GCNT2: variants seen among roughly 807,000 people sequenced by gnomAD.
GCNT2 encodes the protein glucosaminyl (N-acetyl) transferase 2 (I blood group), also known as N-acetyllactosaminide beta-1,6-N-acetylglucosaminyl-transferase.
GCNT2 carries 34 observed loss-of-function variants against 34.2 expected under a neutral mutation model. The ratio of observed to expected loss-of-function variants is 1.00; its 90% CI spans 0.76 to 1.32. GCNT2 has a LOEUF of 1.32. Ranked by LOEUF, GCNT2 falls within the 40% of genes most tolerant of loss-of-function variation. The pLI, the probability that GCNT2 is intolerant of heterozygous loss-of-function variation, is 0.00. For missense variants in GCNT2, 584 were observed against 489.4 expected (o/e 1.19, Z -1.82); for synonymous variants, 212 against 188.0 (o/e 1.13, Z -1.04).
intron 1 of GCNT2, among the ~76,000 whole-genome samples, chr6:10,523,146 G>A (rs967640064): frequency 5.9e-5 from 9 of 152,132 alleles, no homozygotes; most frequent in African/African-American, 1.9e-4. Flanking sequence ...TCAGCCAGGC[G>A]CGGTGTGGCT....
At chr6:10,568,583 G>A (rs1478276430) in intron 3 of GCNT2, among the ~76,000 whole-genome samples, 1 of 152,106 alleles carries the variant, frequency 6.6e-6, no homozygotes, top group Non-Finnish European at 1.5e-5. Flanking sequence ...TAAGAAAAAC[G>A]TTTTCTCAAT....
intron 3 of GCNT2, among the ~76,000 whole-genome samples, chr6:10,559,788 T>C (rs1194193743): frequency 1.3e-5 from 2 of 152,258 alleles, no homozygotes; most frequent in Non-Finnish European, 2.9e-5. Flanking sequence ...CCTTTCAGGA[T>C]AACGTGCCAT....
chr6:10,561,960 A>G (rs1344833594), intron 3 of GCNT2, among the ~76,000 whole-genome samples: 8 of 151,876 alleles, frequency 5.3e-5, no homozygotes, highest in Admixed American at 4.6e-4. Context: ...ACTTTTATTT[A>G]TATGTGCACA....
chr6:10,562,904 C>T (rs1287271416), intron 3 of GCNT2, among the ~76,000 whole-genome samples: 2 of 152,080 alleles, frequency 1.3e-5, no homozygotes, highest in African/African-American at 4.8e-5. Context: ...GGGTTGTTAA[C>T]AAGCAGCACT....
At chr6:10,575,200 C>A in intron 3 of GCNT2, 1 of 377,122 alleles carries the variant, frequency 2.7e-6, no homozygotes. Context: ...CATTGGGTGC[C>A]TCTCCTCTTT....
chr6:10,622,242 T>A (rs914555350), intron 4 of GCNT2, among the ~76,000 whole-genome samples: 5 of 152,218 alleles, frequency 3.3e-5, no homozygotes, highest in African/African-American at 9.6e-5. Flanking sequence ...TTGCCCAGCA[T>A]ATACTGGGCA....
intron 1 of GCNT2, among the ~76,000 whole-genome samples, chr6:10,526,978 T>A (rs767918188): frequency 6.6e-5 from 10 of 151,986 alleles, no homozygotes; most frequent in Non-Finnish European, 1.2e-4. Flanking sequence ...TTAATTACAT[T>A]TAATAAAAGT....
chr6:10,626,686 T>A lies in GCNT2; in HGVS notation c.*79T>A. 1 of 1,080,174 alleles carries A rather than the reference T, an allele frequency of 9.3e-7. No individual in the cohort carries two copies. Among genetic ancestry groups the A allele is most frequent in the South Asian group, 1.3e-5 (1 of 78,956 alleles). The allele number at this position is 1,080,174 out of a possible 1,614,324, so 66.9% of individuals were successfully genotyped here. A position where few individuals can be genotyped will look rare whatever the true frequency, so the allele number is the denominator to read the frequency against. On this transcript the variant is annotated 3_prime_UTR_variant, in exon 5 of 5. Transcript: ENST00000495262. The stretch of plus-strand genomic sequence containing the variant: ...CTGTTTTTGTGAGAGACTTTTGCCT[T>A]CGTAATGTTAACCGTTTCAGGACCA...
chr6:10,548,482 C>G (rs1032665151), intron 3 of GCNT2, among the ~76,000 whole-genome samples: 1 of 152,212 alleles, frequency 6.6e-6, no homozygotes, highest in East Asian at 1.9e-4. Flanking sequence ...AGTGTAGCAC[C>G]TAATGCCAGC....
chr6:10,556,713 A>T, intron 3 of GCNT2: 1 of 1,614,238 alleles, frequency 6.2e-7, no homozygotes, highest in Non-Finnish European at 8.5e-7. Context: ...CCCTTGGCAT[A>T]TATAATGGTC....
intron 3 of GCNT2, among the ~76,000 whole-genome samples, chr6:10,580,428 C>T (rs1403516674): frequency 1.3e-5 from 2 of 152,148 alleles, no homozygotes; most frequent in Admixed American, 1.3e-4. Context: ...ATTTGAGTGC[C>T]TGAATCCGTC....
intron 3 of GCNT2, among the ~76,000 whole-genome samples, chr6:10,561,538 G>A (rs956288481): frequency 6.6e-6 from 1 of 152,200 alleles, no homozygotes; most frequent in African/African-American, 2.4e-5. Flanking sequence ...TACGCTTTGT[G>A]AAATTGTTCA....
At chr6:10,555,947 C>G (rs1173507541) in intron 3 of GCNT2, 1 of 1,018,298 alleles carries the variant, frequency 9.8e-7, no homozygotes, top group Non-Finnish European at 1.2e-6. Flanking sequence ...CAGCCGCCTG[C>G]TAGGGGACTA....
rs116109204 is a variant in GCNT2, at chr6:10,565,104, A to G, written c.925+35268A>G. On this transcript the variant is annotated intron_variant, in intron 3 of 4. Transcript: ENST00000495262. ...GAGGTCCCAGGCAGAGGGAATAGGG[A>G]TCGCAAAGGTCGTGGGTGAGCCTGG... 9.2e-3 allele frequency among the ~76,000 whole-genome samples: 1,401 copies of G among 152,306 alleles called. 11 individuals carry two copies. The highest frequency in any genetic ancestry group is 0.02 in the Middle Eastern group (6 of 294).
chr6:10,537,724 AAAC>A lies in GCNT2; in HGVS notation c.925+7891_925+7893del, dbSNP rs1364691054. Among the ~76,000 whole-genome samples the A allele has an allele frequency of 5.2e-3, 682 of 130,606 alleles. 40 individuals carry two copies. The highest frequency in any genetic ancestry group is 7.1e-3 in the Non-Finnish European group (413 of 57,980). The allele number at this position is 130,606 out of a possible 152,430, so 85.7% of individuals were successfully genotyped here. On this transcript the variant is annotated intron_variant, in intron 3 of 4. Transcript: ENST00000495262. Reference sequence around the variant, plus strand: ...AAAAAAAAAAAAAAAAAAAAAAAAAAAACAAAACAAAGAAAACGAAAGAAAATG... The same window carrying A: ...AAAAAAAAAAAAAAAAAAAAAAAAAAAAAACAAAGAAAACGAAAGAAAATG...
chr6:10,624,930 T>C (rs1044307828), intron 4 of GCNT2, among the ~76,000 whole-genome samples: 2 of 152,180 alleles, frequency 1.3e-5, no homozygotes, highest in Middle Eastern at 6.3e-3. Flanking sequence ...AGACATCGAG[T>C]TGTCTATGAA....
Position 10,557,594 on chromosome 6 carries a change from C to G in GCNT2, c.925+27758C>G, listed in dbSNP as rs184413303. ...CCTGGACCTCCTGGGCTCCAGCAAT[C>G]CTCCCACTTCAGTCTCCTGAGTAGC... On this transcript the variant is annotated intron_variant, in intron 3 of 4. Coordinates refer to ENST00000495262, the MANE Select transcript of GCNT2 (RefSeq NM_145649.5). Among the ~76,000 whole-genome samples, 6 of 151,966 alleles carry G rather than the reference C, an allele frequency of 3.9e-5. No homozygotes were observed. In the East Asian group the frequency reaches 1.2e-3, roughly 29 times the overall value.
chr6:10,621,666 G>A (rs1766044248), intron 4 of GCNT2: 6 of 521,292 alleles, frequency 1.2e-5, no homozygotes, highest in Non-Finnish European at 3.5e-6. Context: ...ATGGAAAAAT[G>A]GGTTCAAATC....
intron 3 of GCNT2, among the ~76,000 whole-genome samples, chr6:10,582,246 T>C (rs1409160479): frequency 8.3e-6 from 1 of 120,526 alleles, no homozygotes; most frequent in East Asian, 2.1e-4. Context: ...ATATATAAAA[T>C]ATATATAATA....
Sources: allele counts gnomAD v4.1 joint callset (sites outside exome capture counted in the v4.1 genomes callset), GRCh38; gene constraint gnomAD v4.1.1; transcripts MANE v1.5; gene names NCBI Gene and HGNC (gene_info 2026-07-23, HGNC 2026-07-21).